Variants in NT5C3A observed in about 807,000 individuals in gnomAD.
NT5C3A encodes 5'-nucleotidase, cytosolic IIIA.
NT5C3A carries 23 observed loss-of-function variants against 40.0 expected under a neutral mutation model. The observed-to-expected ratio is 0.58, with a 90% confidence interval of 0.41 to 0.81. NT5C3A has a LOEUF of 0.81. Among genes scored for constraint, NT5C3A ranks in the 40% least tolerant of loss-of-function variants. The probability of loss-of-function intolerance (pLI) is 0.00; values close to 1 mark genes in which losing one functional copy is unlikely to be tolerated. For synonymous variants in NT5C3A, 130 were observed against 141.4 expected (o/e 0.92, Z 0.57); for missense variants, 328 against 403.0 (o/e 0.81, Z 1.59).
chr7:33,032,597 A>G (rs985928385), intron 1 of NT5C3A, among the ~76,000 whole-genome samples: 8 of 151,276 alleles, frequency 5.3e-5, no homozygotes, highest in African/African-American at 1.9e-4. Flanking sequence ...CTGGGACTAC[A>G]GGGGCTCACC....
chr7:33,015,005 T>A (rs1785246555), intron 8 of NT5C3A, among the ~76,000 whole-genome samples, 174 bp from the exon 9 acceptor site: 1 of 152,184 alleles, frequency 6.6e-6, no homozygotes, highest in Non-Finnish European at 1.5e-5. Flanking sequence ...TGACAGACAT[T>A]TTTCCACATG....
At chr7:33,039,577 T>TTTTTTTA (rs1208036909) in intron 1 of NT5C3A, among the ~76,000 whole-genome samples, 3 of 146,464 alleles carry the variant, frequency 2.0e-5, no homozygotes, top group African/African-American at 5.0e-5. Flanking sequence ...TTTTTTTTTT[T>TTTTTTTA]AATGTTACTG....
intron 4 of NT5C3A, 69 bp from the exon 5 acceptor site, chr7:33,021,426 C>A: frequency 1.3e-6 from 2 of 1,546,668 alleles, no homozygotes; most frequent in Non-Finnish European, 8.8e-7. Context: ...TTATAGAAAG[C>A]AAAACAATGT....
intron 1 of NT5C3A, among the ~76,000 whole-genome samples, chr7:33,050,184 C>T (rs921226954): frequency 3.3e-5 from 5 of 151,940 alleles, no homozygotes; most frequent in Non-Finnish European, 5.9e-5. Context: ...TAAATAAATG[C>T]GTAGAGTATA....
intron 1 of NT5C3A, among the ~76,000 whole-genome samples, chr7:33,048,894 T>G (rs1314488102): frequency 6.6e-6 from 1 of 152,092 alleles, no homozygotes; most frequent in Non-Finnish European, 1.5e-5. Flanking sequence ...AATGGAATAT[T>G]GTTTAGAGAT....
chr7:33,021,236 T>G (rs377473636), intron 5 of NT5C3A, 36 bp downstream of exon 5: 2 of 1,608,766 alleles, frequency 1.2e-6, no homozygotes, highest in African/African-American at 1.3e-5. Context: ...TTTTATTATT[T>G]TTTTTTAATC....
chr7:33,024,254 T>C, intron 2 of NT5C3A, 146 bp from the exon 3 acceptor site: 1 of 658,768 alleles, frequency 1.5e-6, no homozygotes, highest in Non-Finnish European at 2.7e-6. Flanking sequence ...CTTATTCTCT[T>C]TACATTGAAT....
At chr7:33,041,100 T>G (rs1158162316) in intron 1 of NT5C3A, 1 of 985,048 alleles carries the variant, frequency 1.0e-6, no homozygotes, top group Non-Finnish European at 1.2e-6. Flanking sequence ...CAATTGAAGT[T>G]ATGTGACGAT....
intron 1 of NT5C3A, among the ~76,000 whole-genome samples, chr7:33,031,659 A>T (rs1786265426): frequency 6.6e-6 from 1 of 152,128 alleles, no homozygotes; most frequent in African/African-American, 2.4e-5. Context: ...TAAAATAATG[A>T]ATTATTATTC....
chr7:33,057,723 C>A (rs1787625472), intron 1 of NT5C3A, among the ~76,000 whole-genome samples: 1 of 151,402 alleles, frequency 6.6e-6, no homozygotes, highest in South Asian at 2.1e-4. Flanking sequence ...CTCCCCTATC[C>A]CCCACATCAG....
At chr7:33,029,759 G>T (rs1288786979) in intron 1 of NT5C3A, 9 of 1,177,866 alleles carry the variant, frequency 7.6e-6, no homozygotes, top group Admixed American at 6.9e-5. Context: ...TAGAGATAAG[G>T]TCTTGCTGTG....
intron 7 of NT5C3A, among the ~76,000 whole-genome samples, chr7:33,016,399 C>A (rs1785330693): frequency 6.6e-6 from 1 of 151,058 alleles, no homozygotes; most frequent in Non-Finnish European, 1.5e-5. Flanking sequence ...AGGCCGGGCA[C>A]AGTGGTTCAC....
chr7:33,053,956 G>A (rs1415604288), intron 1 of NT5C3A, among the ~76,000 whole-genome samples: 2 of 152,116 alleles, frequency 1.3e-5, no homozygotes, highest in Non-Finnish European at 1.5e-5. Context: ...CAGGAAACCT[G>A]ACAAACATGA....
intron 1 of NT5C3A, among the ~76,000 whole-genome samples, chr7:33,039,840 C>G (rs1406592168): frequency 6.6e-6 from 1 of 151,952 alleles, no homozygotes; most frequent in Non-Finnish European, 1.5e-5. Context: ...ATTTCAAAAG[C>G]TAGTTATTTA....
At chr7:33,029,907 C>T (rs1431068024) in intron 1 of NT5C3A, among the ~76,000 whole-genome samples, 3 of 152,130 alleles carry the variant, frequency 2.0e-5, no homozygotes, top group Admixed American at 2.0e-4. Flanking sequence ...GAAAGAGAAC[C>T]AGTAGCTAAA....
In NT5C3A at chr7:33,049,268, C is replaced by A. The variant is rs562454107; in HGVS notation, c.138+13300G>T. ...TCTTAATATAATACCCTGAAGTAAA[C>A]AAGGCATAAGAGTATTTAGGTGAAT... On this transcript the variant is annotated intron_variant, in intron 1 of 8. Coordinates refer to ENST00000610140, the MANE Select transcript of NT5C3A (RefSeq NM_001002010.5). Among the ~76,000 whole-genome samples, 5 of 152,164 alleles carry A rather than the reference C, an allele frequency of 3.3e-5. No homozygotes were observed. The East Asian group carries it at 7.7e-4, about 23-fold the overall frequency.
chr7:33,048,196 GT>G (rs1326496641), intron 1 of NT5C3A, among the ~76,000 whole-genome samples: 173 of 150,184 alleles, frequency 1.2e-3, no homozygotes, highest in Non-Finnish European at 2.0e-3. Flanking sequence ...GTGTGTGTGT[GT>G]GGTTTTTTTT....
chr7:33,019,249 C>T lies in NT5C3A; in HGVS notation c.530+386G>A, dbSNP rs550112697. 9.3e-5 allele frequency among the ~76,000 whole-genome samples: 13 copies of T among 139,524 alleles called. No individual in the cohort carries two copies. In the South Asian group the frequency reaches 1.1e-3, roughly 12 times the overall value. The allele number at this position is 139,524 out of a possible 152,430, so 91.5% of individuals were successfully genotyped here. ...CTAACCTGGGCAACAGAGAGAGACC[C>T]TGTCTTTAAAAAAAAAAAAAAGTAT... On this transcript the variant is annotated intron_variant, in intron 6 of 8. Transcript: ENST00000610140.
intron 1 of NT5C3A, among the ~76,000 whole-genome samples, chr7:33,043,617 G>A (rs1787021138): frequency 6.6e-6 from 1 of 152,152 alleles, no homozygotes; most frequent in South Asian, 2.1e-4. Flanking sequence ...GAGGAGTGTT[G>A]GTCTCTAAGG....
Sources: gnomAD v4.1 joint callset for allele counts (sites outside exome capture counted in the v4.1 genomes callset) on GRCh38, gnomAD v4.1.1 for gene constraint, MANE v1.5 for transcripts, NCBI Gene and HGNC (gene_info 2026-07-23, HGNC 2026-07-21) for gene names.